NEIL3: variants seen among roughly 807,000 people sequenced by gnomAD.
NEIL3 encodes the protein nei like DNA glycosylase 3.
In NEIL3, 48 loss-of-function variants were observed where a neutral mutation model predicts 57.5. The observed-to-expected ratio is 0.83, with a 90% confidence interval of 0.66 to 1.06. The LOEUF (loss-of-function observed/expected upper bound fraction) is 1.06. Among genes scored for constraint, NEIL3 ranks in the 50% least tolerant of loss-of-function variants. The pLI is 0.00. For synonymous variants in NEIL3, 261 were observed against 253.2 expected (o/e 1.03, Z -0.29); for missense variants, 717 against 739.1 (o/e 0.97, Z 0.35).
intron 5 of NEIL3, 95 bp from the exon 6 acceptor site, chr4:177,341,381 A>G (rs997865263): frequency 1.0e-6 from 1 of 972,456 alleles, no homozygotes; most frequent in Non-Finnish European, 1.5e-6. Flanking sequence ...TTTTTAGCAG[A>G]TGATTTTCAG....
Position 177,362,441 on chromosome 4 carries a change from G to C in NEIL3, c.1788G>C (p.Gly596=). Residue 596 remains glycine, a synonymous_variant, in exon 10 of 10, where the codon GGG becomes GGC. Coordinates refer to ENST00000264596, the MANE Select transcript of NEIL3 (RefSeq NM_018248.3). The stretch of plus-strand genomic sequence containing the variant: ...ATTTTTTCCAGTGGGCAGAAAATGG[G>C]CCAGGAATAAAAATTATTCCTGGAT... ...QCNFFQWAEN[G]PGIKIIPGC is the part of the protein sequence containing the mutation. 2 of 1,612,798 alleles carry C rather than the reference G, an allele frequency of 1.2e-6. No homozygotes were observed. The highest frequency in any genetic ancestry group is 1.7e-6 in the Non-Finnish European group (2 of 1,179,516).
At chr4:177,312,435 G>A (rs1434337323) in intron 1 of NEIL3, among the ~76,000 whole-genome samples, 2 of 152,138 alleles carry the variant, frequency 1.3e-5, no homozygotes, top group Non-Finnish European at 2.9e-5. Flanking sequence ...ATAGAAAAGT[G>A]CAATCTTGGA....
At chr4:177,345,376 T>C (rs999331732) in intron 6 of NEIL3, among the ~76,000 whole-genome samples, 2 of 152,178 alleles carry the variant, frequency 1.3e-5, no homozygotes, top group African/African-American at 2.4e-5. Flanking sequence ...GGAGCACATA[T>C]TCAGGTCTCT....
intron 7 of NEIL3, among the ~76,000 whole-genome samples, chr4:177,352,873 A>G (rs1337639083): frequency 6.6e-6 from 1 of 151,986 alleles, no homozygotes; most frequent in African/African-American, 2.4e-5. Flanking sequence ...ATTCATCTTT[A>G]CTTATTTTAA....
At chr4:177,355,759 A>G (rs1051969672) in intron 8 of NEIL3, among the ~76,000 whole-genome samples, 3 of 152,190 alleles carry the variant, frequency 2.0e-5, no homozygotes, top group African/African-American at 4.8e-5. Flanking sequence ...AGCTTATTTC[A>G]TAACAAATTC....
chr4:177,353,298 C>T lies in NEIL3; in HGVS notation c.1040-10C>T, dbSNP rs1198047304. The T allele has an allele frequency of 3.1e-6, 5 of 1,599,000 alleles. No individual in the cohort carries two copies. In the African/African-American group the frequency reaches 6.8e-5, roughly 22 times the overall value. On this transcript the variant is annotated splice_polypyrimidine_tract_variant and intron_variant, in intron 7 of 9. Coordinates refer to ENST00000264596, the MANE Select transcript of NEIL3 (RefSeq NM_018248.3). ...GGGACTATTGCAGAATTACTTCTCT[C>T]TCCTTCCAGATTCAGTGCTCAAGAG...
At chr4:177,315,965 T>C (rs1734566732) in intron 1 of NEIL3, among the ~76,000 whole-genome samples, 1 of 152,210 alleles carries the variant, frequency 6.6e-6, no homozygotes. Flanking sequence ...TAGTACCACC[T>C]GTCCACAGAA....
intron 2 of NEIL3, among the ~76,000 whole-genome samples, chr4:177,333,033 A>T (rs28572281): frequency 0.15 from 20,768 of 135,180 alleles, 1,588 homozygotes; most frequent in Middle Eastern, 0.24. Context: ...CCTATTTTTT[A>T]TTTTTAGCAT....
At chr4:177,349,034 A>ATTTTTTTT (rs70938582) in intron 6 of NEIL3, among the ~76,000 whole-genome samples, 6 of 100,424 alleles carry the variant, frequency 6.0e-5, no homozygotes, top group African/African-American at 8.2e-5. Flanking sequence ...CACCTGGCTA[A>ATTTTTTTT]TTTTTTTTTT....
chr4:177,318,058 C>T lies in NEIL3; in HGVS notation c.157-4401C>T, dbSNP rs149598154. On this transcript the variant is annotated intron_variant, in intron 1 of 9. Transcript: ENST00000264596. ...CATTGGTTATGAGGGACGTTTCAGC[C>T]GTTCTTTTCATAAACTGTACATGGA... Among the ~76,000 whole-genome samples, 51 of 152,198 alleles carry T rather than the reference C, an allele frequency of 3.4e-4. 1 individual carries two copies. Among genetic ancestry groups the T allele is most frequent in the African/African-American group, 1.0e-3 (42 of 41,532 alleles).
In NEIL3 at chr4:177,362,349, T is replaced by C. The variant is rs1284578262; in HGVS notation, c.1696T>C (p.Leu566=). 19 of 1,613,566 alleles carry C rather than the reference T, an allele frequency of 1.2e-5. No homozygotes were observed. Among genetic ancestry groups the C allele is most frequent in the African/African-American group, 2.7e-5 (2 of 75,016 alleles). Residue 566 remains leucine (L), a synonymous_variant, in exon 10 of 10, where the codon TTG becomes CTG. Coordinates refer to ENST00000264596, the MANE Select transcript of NEIL3 (RefSeq NM_018248.3). ...HGKRSTMKTV[L]KIGPNNGKNF... ...CAAGCGTTCCACCATGAAAACAGTA[T>C]TGAAGATTGGACCTAACAATGGAAA...
At chr4:177,351,591 A>G in intron 7 of NEIL3, 42 bp downstream of exon 7, 5 of 1,473,286 alleles carry the variant, frequency 3.4e-6, no homozygotes, top group Non-Finnish European at 4.7e-6. Context: ...CATTTCTAAG[A>G]GGGTTAATTA....
chr4:177,354,723 C>G (rs961810157), intron 8 of NEIL3, among the ~76,000 whole-genome samples: 1 of 152,158 alleles, frequency 6.6e-6, no homozygotes, highest in African/African-American at 2.4e-5. Context: ...CTCAGGTGAT[C>G]TGCCCACCTC....
At chr4:177,361,903 G>C (rs1459742826) in intron 9 of NEIL3, among the ~76,000 whole-genome samples, 1 of 152,076 alleles carries the variant, frequency 6.6e-6, no homozygotes, top group Admixed American at 6.6e-5. Flanking sequence ...CGGGATTAAA[G>C]GCATGAGCCA....
At chr4:177,366,849 CTT>C (rs1735699199), downstream of NEIL3, among the ~76,000 whole-genome samples, 1 of 152,120 alleles carries the variant, frequency 6.6e-6, no homozygotes, top group Non-Finnish European at 1.5e-5. Flanking sequence ...TTTTCTCTCT[CTT>C]TTGGACCAAT....
At chr4:177,332,135 C>T (rs7663521) in intron 2 of NEIL3, among the ~76,000 whole-genome samples, 18,428 of 152,118 alleles carry the variant, frequency 0.12, 1,203 homozygotes, top group Middle Eastern at 0.21. Context: ...AACCCAAGGT[C>T]GCAGTTTTCT....
intron 8 of NEIL3, among the ~76,000 whole-genome samples, chr4:177,354,645 A>AT (rs1377773110): frequency 1.3e-5 from 2 of 151,648 alleles, no homozygotes; most frequent in Non-Finnish European, 2.9e-5. Flanking sequence ...CATTCGGCTA[A>AT]TTTTTTTTGT....
intron 4 of NEIL3, among the ~76,000 whole-genome samples, chr4:177,336,778 AACTC>A (rs1459428569): frequency 1.3e-5 from 2 of 152,214 alleles, no homozygotes; most frequent in African/African-American, 2.4e-5. Flanking sequence ...TGAATGAACT[AACTC>A]ACAACTTATT....
chr4:177,362,944 G>A (rs926425842), downstream of NEIL3: 2 of 152,122 alleles, frequency 1.3e-5, no homozygotes, highest in African/African-American at 4.8e-5. Context: ...TTATGAACAA[G>A]TCTATTTTTA....
Sources: gnomAD v4.1 joint callset for allele counts (sites outside exome capture counted in the v4.1 genomes callset) on GRCh38, gnomAD v4.1.1 for gene constraint, MANE v1.5 for transcripts, NCBI Gene and HGNC (gene_info 2026-07-23, HGNC 2026-07-21) for gene names.